GET1: variants seen among roughly 807,000 people sequenced by gnomAD.
GET1 encodes the protein guided entry of tail-anchored proteins factor 1.
A neutral mutation model predicts 22.6 loss-of-function variants in GET1; 20 were observed. The ratio of observed to expected loss-of-function variants is 0.89; its 90% CI spans 0.62 to 1.29. GET1 has a LOEUF of 1.29. Among genes scored for constraint, GET1 ranks in the 50% most tolerant of loss-of-function variants. The probability of loss-of-function intolerance (pLI) is 0.00; values close to 1 mark genes in which losing one functional copy is unlikely to be tolerated. For missense variants in GET1, 209 were observed against 219.9 expected (o/e 0.95, Z 0.31); for synonymous variants, 92 against 83.8 (o/e 1.10, Z -0.53).
intron 1 of GET1, among the ~76,000 whole-genome samples, chr21:39,389,646 C>T (rs2038165095): frequency 6.6e-6 from 1 of 152,208 alleles, no homozygotes; most frequent in African/African-American, 2.4e-5. Flanking sequence ...GTCTCCCTCA[C>T]CCTACAGACC....
At chr21:39,380,693 T>A in intron 1 of GET1, 1 of 1,383,802 alleles carries the variant, frequency 7.2e-7, no homozygotes, top group Non-Finnish European at 9.4e-7. Context: ...TCTAGGGGGT[T>A]GGGAGAAACA....
downstream of GET1, among the ~76,000 whole-genome samples, chr21:39,408,890 A>C (rs1052654081): frequency 3.9e-5 from 6 of 152,172 alleles, no homozygotes; most frequent in African/African-American, 1.2e-4. Flanking sequence ...TCTTTATTCA[A>C]AAGTGGTAAT....
downstream of GET1, among the ~76,000 whole-genome samples, chr21:39,408,995 G>A (rs995404310): frequency 6.6e-6 from 1 of 151,942 alleles, no homozygotes; most frequent in African/African-American, 2.4e-5. Context: ...ATGAATGTTT[G>A]TATTCCTTCC....
intron 4 of GET1, among the ~76,000 whole-genome samples, chr21:39,405,012 T>C (rs576934932): frequency 1.3e-5 from 2 of 152,018 alleles, no homozygotes; most frequent in East Asian, 2.0e-4. Flanking sequence ...TTTGTATTTT[T>C]AGTAGAGACA....
chr21:39,418,055 C>CATGCCTGGCCAGAAATGGTTTTTTAAT (rs1569086130), intron 1 of GET1, among the ~76,000 whole-genome samples: 2 of 152,188 alleles, frequency 1.3e-5, no homozygotes, highest in East Asian at 3.8e-4. Context: ...CGTGAGCCAC[C>CATGCCTGGCCAGAAATGGTTTTTTAAT]GCGCCCAGCG....
intron 1 of GET1, among the ~76,000 whole-genome samples, chr21:39,389,736 C>T (rs1487259456): frequency 6.6e-6 from 1 of 152,178 alleles, no homozygotes; most frequent in Non-Finnish European, 1.5e-5. Context: ...GCCAGGGTGC[C>T]ATTCTGTGGG....
exon 5 of GET1, chr21:39,406,266 T>C: frequency 1.2e-6 from 2 of 1,614,234 alleles, no homozygotes; most frequent in African/African-American, 1.3e-5. Context: ...CGGCATTGGC[T>C]GGCCCCCCTG....
intron 4 of GET1, 121 bp downstream of exon 4, chr21:39,393,401 G>T: frequency 1.3e-6 from 1 of 771,950 alleles, no homozygotes; most frequent in Non-Finnish European, 2.1e-6. Flanking sequence ...GGGGTTTTGT[G>T]TCTCAGCCTC....
intron 1 of GET1, 46 bp downstream of exon 1, chr21:39,380,532 C>A (rs1330119199): frequency 6.3e-7 from 1 of 1,579,810 alleles, no homozygotes; most frequent in Non-Finnish European, 8.6e-7. Flanking sequence ...GATGCCGCCC[C>A]AGTCCCCCGG....
At chr21:39,409,655 C>T (rs1028412938), downstream of GET1, among the ~76,000 whole-genome samples, 1 of 152,078 alleles carries the variant, frequency 6.6e-6, no homozygotes, top group African/African-American at 2.4e-5. The surrounding 1 kb of genome is among the most constrained non-coding windows in gnomAD (Gnocchi z 4.2). Flanking sequence ...TGCAGTGGCA[C>T]GATCTTGGCT....
At chr21:39,409,056 A>G (rs535827375), downstream of GET1, among the ~76,000 whole-genome samples, 10 of 152,324 alleles carry the variant, frequency 6.6e-5, no homozygotes, top group African/African-American at 2.4e-4. This position sits in a 1 kb window ranked among gnomAD's most constrained non-coding sequence, Gnocchi z 4.2. Flanking sequence ...CTATATTTGG[A>G]GACTGGGTCT....
downstream of GET1, chr21:39,411,011 C>T: frequency 4.4e-6 from 2 of 451,024 alleles, no homozygotes; most frequent in Non-Finnish European, 9.1e-6. Flanking sequence ...TGCACGTGCT[C>T]TTGAAGAAAA....
intron 1 of GET1, chr21:39,380,935 G>GCCA: frequency 1.1e-5 from 2 of 187,976 alleles, no homozygotes; most frequent in Non-Finnish European, 2.0e-5. Context: ...GGTAGGGTGG[G>GCCA]AGACAGGTGT....
At position 39,419,225 on chromosome 21, in the gene GET1, C is replaced by T. The variant is rs115242940; in HGVS notation, c.*23+8288C>T. On this transcript the variant is annotated intron_variant, in intron 1 of 1. Coordinates refer to the GET1 transcript ENST00000478273. Reference sequence around the variant, plus strand: ...GAAAATCTAAATTGCCTAATTGTCACAAAAAAGTTAAAGATCAGGCTGGGT... The same window carrying T: ...GAAAATCTAAATTGCCTAATTGTCATAAAAAAGTTAAAGATCAGGCTGGGT... 9.6e-3 allele frequency among the ~76,000 whole-genome samples: 1,454 copies of T among 152,140 alleles called. 28 individuals are homozygous for T. The highest frequency in any genetic ancestry group is 0.033 in the African/African-American group (1,383 of 41,516).
intron 1 of GET1, among the ~76,000 whole-genome samples, chr21:39,412,772 G>T (rs1419008791): frequency 6.6e-6 from 1 of 152,192 alleles, no homozygotes; most frequent in African/African-American, 2.4e-5. Flanking sequence ...AAAATTGCAA[G>T]CCCCTTAAAA....
At chr21:39,425,657 G>A (rs371734350) in intron 1 of GET1, among the ~76,000 whole-genome samples, 83 of 152,268 alleles carry the variant, frequency 5.5e-4, no homozygotes, top group African/African-American at 2.0e-3. Context: ...GACCCAGGCC[G>A]TATGGATCAG....
chr21:39,411,095 T>C (rs2040019088), downstream of GET1: 2 of 343,656 alleles, frequency 5.8e-6, no homozygotes, highest in African/African-American at 2.2e-5. Flanking sequence ...AACACTATGC[T>C]GAACAAAAGC....
chr21:39,398,949 A>G (rs927168109), downstream of GET1, among the ~76,000 whole-genome samples: 1 of 152,148 alleles, frequency 6.6e-6, no homozygotes, highest in Non-Finnish European at 1.5e-5. Context: ...CATGTTGGCC[A>G]GGTTGGTCTC....
At chr21:39,404,515 T>C (rs923432413) in intron 4 of GET1, among the ~76,000 whole-genome samples, 10 of 152,046 alleles carry the variant, frequency 6.6e-5, no homozygotes, top group African/African-American at 2.2e-4. Flanking sequence ...GAGGCTGAGG[T>C]GGGCAGATCA....
Sources: allele counts gnomAD v4.1 joint callset (sites outside exome capture counted in the v4.1 genomes callset), GRCh38; gene constraint gnomAD v4.1.1; non-coding constraint Gnocchi (gnomAD v3.1); transcripts MANE v1.5; gene names NCBI Gene and HGNC (gene_info 2026-07-23, HGNC 2026-07-21).